The following TUBGCP6 variants were observed in gnomAD, a reference collection of about 807,000 sequenced individuals.
TUBGCP6 encodes the protein tubulin gamma complex component 6.
TUBGCP6 carries 161 observed loss-of-function variants against 175.8 expected under a neutral mutation model. The ratio of observed to expected loss-of-function variants is 0.92; its 90% CI spans 0.81 to 1.04. The LOEUF is 1.04. Ranked by LOEUF, TUBGCP6 falls within the 50% of genes least tolerant of loss-of-function variation. TUBGCP6 has a pLI of 0.00. For synonymous variants in TUBGCP6, 1,173 were observed against 1,030.5 expected (o/e 1.14, Z -2.65); for missense variants, 2,572 against 2,433.0 (o/e 1.06, Z -1.20).
rs2064474564 is a variant in TUBGCP6, at chr22:50,219,334, G to C, written c.4438C>G (p.Leu1480Val). 1 of 1,599,560 alleles carries C rather than the reference G, an allele frequency of 6.3e-7. No homozygotes were observed. The highest frequency in any genetic ancestry group is 8.5e-7 in the Non-Finnish European group (1 of 1,174,484). Residue 1480 changes from leucine to valine, a missense_variant, in exon 19 of 25, where the codon CTG (leucine) becomes GTG (valine). Physicochemically the swap from Leu to Val is conservative, Grantham distance 32. Transcript: ENST00000248846. ...ATGGAGCGCTTCATGAGCACGGGCA[G>C]CGTCAGCAACTCGCTCAGCTGCACA... ...TAVQLSELLT[L>V]PVLMKRSITA...
chr22:50,236,944 G>A (rs897926957), intron 2 of TUBGCP6, among the ~76,000 whole-genome samples: 13 of 152,274 alleles, frequency 8.5e-5, no homozygotes, highest in Admixed American at 7.8e-4. Flanking sequence ...ACTCAGAACT[G>A]AGGGAAAAAA....
Position 50,225,864 on chromosome 22 carries a change from T to G in TUBGCP6, c.1913A>C (p.Lys638Thr), listed in dbSNP as rs746609190. The G allele has an allele frequency of 1.2e-6, 2 of 1,613,690 alleles. No individual in the cohort carries two copies. Among genetic ancestry groups the G allele is most frequent in the South Asian group, 2.2e-5 (2 of 91,064 alleles). ...FSLEELKEIE[K>T]DCAVYVGRME... ...GCGCCCAACGTAGACGGCACAGTCC[T>G]TCTCAATCTCCTTCAACTCCTCAAG... Residue 638 changes from lysine (K) to threonine (T), a missense_variant, in exon 10 of 25, where the codon AAG (lysine) becomes ACG (threonine). Physicochemically the swap from Lys to Thr is moderately conservative, Grantham distance 78 (BLOSUM62 -1). Coordinates refer to ENST00000248846, the MANE Select transcript of TUBGCP6 (RefSeq NM_020461.4).
chr22:50,240,203 C>T lies in TUBGCP6; in HGVS notation c.905+1G>A, dbSNP rs951985752. 1.9e-6 allele frequency: 3 copies of T among 1,613,450 alleles called. No homozygotes were observed. The highest frequency in any genetic ancestry group is 2.7e-5 in the African/African-American group (2 of 74,902). ...ATGCCAAGGCAAAGAAGGGCACACA[C>T]CAGCCAACTCGCTCCCAGCACCTCC... On this transcript the variant is annotated splice_donor_variant, in intron 2 of 24. Coordinates refer to ENST00000248846, the MANE Select transcript of TUBGCP6 (RefSeq NM_020461.4). LOFTEE classifies it high-confidence loss of function.
chr22:50,240,561 C>T lies in TUBGCP6; in HGVS notation c.742-194G>A, dbSNP rs184936895. ...AATTAAACAAAATAAGTCGTCAAGG[C>T]TGCCAATTTCCAATTCCATGTAACA... On this transcript the variant is annotated intron_variant, in intron 1 of 24. Coordinates refer to ENST00000248846, the MANE Select transcript of TUBGCP6 (RefSeq NM_020461.4). Among the ~76,000 whole-genome samples, 9 of 152,356 alleles carry T rather than the reference C, an allele frequency of 5.9e-5. No individual in the cohort carries two copies. The East Asian group carries it at 1.5e-3, about 26-fold the overall frequency.
chr22:50,229,481 T>C lies in TUBGCP6; in HGVS notation c.1213A>G (p.Thr405Ala), dbSNP rs764488621. 2.5e-6 allele frequency: 4 copies of C among 1,612,466 alleles called. No individual in the cohort carries two copies. In the African/African-American group the frequency reaches 5.3e-5, roughly 22 times the overall value. ...SLLSEVAEYGTCYTRLSHFSL... is the reference protein window; with the variant it reads ...SLLSEVAEYGACYTRLSHFSL... ...AAATGACTCAGGCGCGTGTAGCAGG[T>C]CCCATACTCGGCCACTTCCGAGAGC... Residue 405 changes from threonine to alanine, a missense_variant, in exon 4 of 25, where the codon ACC becomes GCC. Coordinates refer to ENST00000248846, the MANE Select transcript of TUBGCP6 (RefSeq NM_020461.4).
chr22:50,233,242 T>A, intron 3 of TUBGCP6, 74 bp downstream of exon 3: 1 of 1,529,268 alleles, frequency 6.5e-7, no homozygotes, highest in Admixed American at 1.9e-5. Context: ...TTCTGCCCCA[T>A]AAAGGGCTGG....
Position 50,240,300 on chromosome 22 carries a change from G to A in TUBGCP6, c.809C>T (p.Ser270Phe). The change falls in exon 2 of 25, where the codon TCC becomes TTC. Residue 270 changes from serine (S) to phenylalanine (F), a missense_variant. Coordinates refer to ENST00000248846, the MANE Select transcript of TUBGCP6 (RefSeq NM_020461.4). Reference sequence around the variant, plus strand: ...TGGGGTCACGCTGGGCTCAGACTGGGAATCAGGAGTCAAGTTGGACGCTGA... The same window carrying A: ...TGGGGTCACGCTGGGCTCAGACTGGAAATCAGGAGTCAAGTTGGACGCTGA... Reference protein sequence around the residue: ...FQSASNLTPDSQSEPSVTPDV... With the variant: ...FQSASNLTPDFQSEPSVTPDV... 2 of 1,614,040 alleles carry A rather than the reference G, an allele frequency of 1.2e-6. No individual in the cohort carries two copies. The highest frequency in any genetic ancestry group is 2.2e-5 in the East Asian group (1 of 44,876).
chr22:50,219,238 G>A, intron 19 of TUBGCP6, 29 bp from the exon 20 acceptor site: 1 of 1,610,534 alleles, frequency 6.2e-7, no homozygotes, highest in South Asian at 1.1e-5. Flanking sequence ...AGTCAGGGCG[G>A]GCCAGGACGG....
chr22:50,229,135 C>T (rs1353708427), intron 4 of TUBGCP6, among the ~76,000 whole-genome samples: 3 of 152,140 alleles, frequency 2.0e-5, no homozygotes, highest in Non-Finnish European at 2.9e-5. Flanking sequence ...TCCTGCCCTG[C>T]GCACCCCTTA....
In TUBGCP6 at chr22:50,229,511, T is replaced by C; in HGVS notation, c.1183A>G (p.Ser395Gly). 1 of 1,609,920 alleles carries C rather than the reference T, an allele frequency of 6.2e-7. No individual in the cohort carries two copies. Among genetic ancestry groups the C allele is most frequent in the South Asian group, 1.1e-5 (1 of 90,290 alleles). ...TACTCGGCCACTTCCGAGAGCAGGC[T>C]GCTGATGCTCTCGGGAGACGCTCCT... ...VSGASPESISSLLSEVAEYGT... is the reference protein window; with the variant it reads ...VSGASPESISGLLSEVAEYGT... Residue 395 changes from serine (S) to glycine (G), a missense_variant, in exon 4 of 25, where the codon AGC becomes GGC. Transcript: ENST00000248846.
At chr22:50,226,698 G>A (rs369073614) in intron 7 of TUBGCP6, 35 bp downstream of exon 7, 1 of 1,522,936 alleles carries the variant, frequency 6.6e-7, no homozygotes, top group Non-Finnish European at 8.9e-7. Context: ...TGGTGGGAGT[G>A]CGCGCCCGCC....
intron 2 of TUBGCP6, among the ~76,000 whole-genome samples, chr22:50,233,878 T>G (rs1601600410): frequency 6.6e-6 from 1 of 152,054 alleles, no homozygotes; most frequent in East Asian, 1.9e-4. Flanking sequence ...TCATAAAGTA[T>G]TCTTCTGTTA....
At chr22:50,241,108 T>C (rs1315913914) in intron 1 of TUBGCP6, among the ~76,000 whole-genome samples, 4 of 152,236 alleles carry the variant, frequency 2.6e-5, no homozygotes, top group Non-Finnish European at 5.9e-5. Flanking sequence ...ATGAACGTTA[T>C]TAATCATTAG....
chr22:50,238,330 C>T (rs1460440563), intron 2 of TUBGCP6, among the ~76,000 whole-genome samples: 1 of 151,346 alleles, frequency 6.6e-6, no homozygotes, highest in Non-Finnish European at 1.5e-5. Flanking sequence ...CCTGTAATCC[C>T]AGCTACTCAG....
intron 3 of TUBGCP6, among the ~76,000 whole-genome samples, chr22:50,231,343 A>G (rs1054423138): frequency 2.6e-5 from 4 of 151,506 alleles, no homozygotes; most frequent in Non-Finnish European, 5.9e-5. Context: ...AGTCCCAGCT[A>G]CTTGGGAGGC....
chr22:50,233,147 G>A (rs536032180), intron 3 of TUBGCP6, among the ~76,000 whole-genome samples, 169 bp downstream of exon 3: 15 of 152,348 alleles, frequency 9.8e-5, no homozygotes, highest in African/African-American at 3.1e-4. Context: ...TTTTAGAACC[G>A]AAATGGGATG....
At position 50,221,780 on chromosome 22, in the gene TUBGCP6, C is replaced by T; in HGVS notation, c.2579G>A (p.Arg860Lys). ...QHSPAWDGWN[R>K]PGLLTPQPLK... is the part of the protein sequence containing the mutation. ...GGGCTGTGGGGTCAGCAGGCCTGGC[C>T]TGTTCCAGCCATCCCAGGCAGGCGA... The change falls in exon 16 of 25, where the codon AGG (arginine) becomes AAG (lysine). Residue 860 changes from arginine to lysine, a missense_variant. Transcript: ENST00000248846. The T allele has an allele frequency of 1.3e-6, 2 of 1,512,960 alleles. No individual in the cohort carries two copies. The highest frequency in any genetic ancestry group is 1.8e-6 in the Non-Finnish European group (2 of 1,130,788). 93.7% of individuals were successfully genotyped at this position (1,512,960 alleles called of 1,614,324 possible).
chr22:50,218,120 G>C lies in TUBGCP6; in HGVS notation c.5169-3C>G. ...CCGCCTTCTCCGTGAGCAGGCCCCT[G>C]GGGGGAAGCAGTGCTGCTGGGTGGG... On this transcript the variant is annotated splice_region_variant and splice_polypyrimidine_tract_variant and intron_variant, in intron 23 of 24. Coordinates refer to ENST00000248846, the MANE Select transcript of TUBGCP6 (RefSeq NM_020461.4). The C allele has an allele frequency of 6.2e-7, 1 of 1,611,830 alleles. No individual in the cohort carries two copies. The highest frequency in any genetic ancestry group is 8.5e-7 in the Non-Finnish European group (1 of 1,179,492).
At position 50,221,853 on chromosome 22, in the gene TUBGCP6, G is replaced by A; in HGVS notation, c.2506C>T (p.His836Tyr). 6.6e-7 allele frequency: 1 copy of A among 1,512,026 alleles called. No individual in the cohort carries two copies. The highest frequency in any genetic ancestry group is 8.8e-7 in the Non-Finnish European group (1 of 1,130,626). 93.7% of individuals were successfully genotyped at this position (1,512,026 alleles called of 1,614,324 possible). Reference protein sequence around the residue: ...HPQVTSPGPEHPEGGQGCDSG... With the variant: ...HPQVTSPGPEYPEGGQGCDSG... ...TCACAGCCTTGGCCTCCCTCTGGGTGCTCAGGGCCCGGAGACGTGACCTGA... is the reference window on the plus strand; with the variant it reads ...TCACAGCCTTGGCCTCCCTCTGGGTACTCAGGGCCCGGAGACGTGACCTGA... Residue 836 changes from histidine to tyrosine, a missense_variant, in exon 16 of 25, where the codon CAC (histidine) becomes TAC (tyrosine). His to Tyr is a moderately conservative substitution (Grantham distance 83). Transcript: ENST00000248846.
Sources: gnomAD v4.1 joint callset for allele counts (sites outside exome capture counted in the v4.1 genomes callset) on GRCh38, gnomAD v4.1.1 for gene constraint, MANE v1.5 for transcripts, NCBI Gene and HGNC (gene_info 2026-07-23, HGNC 2026-07-21) for gene names.